The following POLR2B variants were observed in gnomAD, a reference collection of about 807,000 sequenced individuals.
POLR2B encodes the protein DNA-directed RNA polymerase II subunit RPB2.
POLR2B carries 57 observed loss-of-function variants against 144.6 expected under a neutral mutation model. The observed-to-expected ratio is 0.39, with a 90% CI of 0.32 to 0.49. The LOEUF is 0.49. Ranked by LOEUF, POLR2B falls within the 20% of genes least tolerant of loss-of-function variation. The probability of loss-of-function intolerance (pLI) is 0.83; values close to 1 mark genes in which losing one functional copy is unlikely to be tolerated. For missense variants in POLR2B, 595 were observed against 1,467.4 expected (o/e 0.41, Z 9.71); for synonymous variants, 442 against 469.8 (o/e 0.94, Z 0.77).
At position 57,009,148 on chromosome 4, in the gene POLR2B, G is replaced by A. The variant is rs148665652; in HGVS notation, c.1405-1213G>A. On this transcript the variant is annotated intron_variant, in intron 10 of 24. Transcript: ENST00000314595. The stretch of plus-strand genomic sequence containing the variant: ...TGGAAATATTTAGGAAGTAAGTTTC[G>A]TAAGACTTTGTGATTGATTAGTAGA... Among the ~76,000 whole-genome samples, 105 of 152,306 alleles carry A rather than the reference G, an allele frequency of 6.9e-4. No individual in the cohort carries two copies. In the East Asian group the frequency reaches 0.011, roughly 17 times the overall value.
chr4:57,018,849 T>C (rs1436961802), intron 16 of POLR2B, among the ~76,000 whole-genome samples: 2 of 152,094 alleles, frequency 1.3e-5, no homozygotes, highest in Non-Finnish European at 2.9e-5. Flanking sequence ...ATTCCAGGTT[T>C]GTAGGAGATT....
chr4:56,996,260 G>GTATATA lies in POLR2B; in HGVS notation c.735+852_735+853insATATAT, dbSNP rs747288554. On this transcript the variant is annotated intron_variant, in intron 6 of 24. Coordinates refer to ENST00000314595, the MANE Select transcript of POLR2B (RefSeq NM_000938.3). ...TGTGTATGTATATGTGTGTGTGTGT[G>GTATATA]TGTATATATATATATATATTTTTTT... Among the ~76,000 whole-genome samples, 108 of 71,894 alleles carry GTATATA rather than the reference G, an allele frequency of 1.5e-3. 5 individuals carry two copies. Among genetic ancestry groups the GTATATA allele is most frequent in the African/African-American group, 3.8e-3 (59 of 15,536 alleles). The allele number at this position is 71,894 out of a possible 152,430, so 47.2% of individuals were successfully genotyped here.
intron 6 of POLR2B, among the ~76,000 whole-genome samples, chr4:56,998,693 A>G (rs1267892167): frequency 6.6e-6 from 1 of 152,244 alleles, no homozygotes; most frequent in Non-Finnish European, 1.5e-5. Flanking sequence ...TTCTGGGATA[A>G]GATCCATGAT....
At chr4:57,006,728 C>T (rs1723030593) in intron 9 of POLR2B, 88 bp from the exon 10 acceptor site, 2 of 1,089,934 alleles carry the variant, frequency 1.8e-6, no homozygotes, top group Admixed American at 2.2e-5. Flanking sequence ...GCTCACCTTC[C>T]CCACGCTTTT....
intron 6 of POLR2B, 103 bp downstream of exon 6, chr4:56,995,512 T>G: frequency 2.7e-6 from 2 of 747,622 alleles, no homozygotes; most frequent in East Asian, 5.1e-5. Context: ...TGGAGCATAT[T>G]GTTGTTATAT....
At position 57,020,790 on chromosome 4, in the gene POLR2B, C is replaced by T. The variant is rs1723517286; in HGVS notation, c.2324-109C>T. On this transcript the variant is annotated intron_variant, in intron 16 of 24. Coordinates refer to ENST00000314595, the MANE Select transcript of POLR2B (RefSeq NM_000938.3). ...CTTTGGCAGTTACCATGATAACAAA[C>T]ACCCAAGCATTTATGGCAAATATGA... 4 of 749,206 alleles carry T rather than the reference C, an allele frequency of 5.3e-6. No homozygotes were observed. In the African/African-American group the frequency reaches 6.9e-5, roughly 13 times the overall value. The allele number at this position is 749,206 out of a possible 1,614,324, so 46.4% of individuals were successfully genotyped here.
At chr4:57,027,300 C>T (rs919421191) in intron 23 of POLR2B, among the ~76,000 whole-genome samples, 13 of 152,060 alleles carry the variant, frequency 8.5e-5, no homozygotes, top group African/African-American at 2.4e-4. Context: ...AGAGCCACCA[C>T]GCCCAGCCCA....
chr4:56,980,396 C>G (rs554580557), intron 1 of POLR2B, among the ~76,000 whole-genome samples: 4 of 152,212 alleles, frequency 2.6e-5, no homozygotes, highest in Non-Finnish European at 5.9e-5. Context: ...GTAATATATT[C>G]TCATAGCTCA....
intron 1 of POLR2B, among the ~76,000 whole-genome samples, chr4:56,979,276 C>A (rs1722077301): frequency 6.6e-6 from 1 of 152,128 alleles, no homozygotes; most frequent in Admixed American, 6.5e-5. Context: ...GGTGAAGTAG[C>A]GTGCAGAATC....
chr4:56,989,430 T>G (rs1234037595), intron 2 of POLR2B, among the ~76,000 whole-genome samples: 4 of 152,234 alleles, frequency 2.6e-5, no homozygotes, highest in African/African-American at 9.6e-5. Flanking sequence ...CTTACACATG[T>G]GTGATTGTCT....
intron 1 of POLR2B, among the ~76,000 whole-genome samples, chr4:56,983,139 A>G (rs964826486): frequency 6.6e-6 from 1 of 152,100 alleles, no homozygotes; most frequent in Non-Finnish European, 1.5e-5. Context: ...TGCTAAACTC[A>G]TATCTCTTGG....
chr4:56,992,126 A>G (rs1278680493), intron 3 of POLR2B, among the ~76,000 whole-genome samples: 1 of 152,176 alleles, frequency 6.6e-6, no homozygotes, highest in African/African-American at 2.4e-5. Flanking sequence ...TACTATGAAG[A>G]ACTCTCTTAG....
At chr4:56,992,186 G>T (rs1190297051) in intron 3 of POLR2B, among the ~76,000 whole-genome samples, 3 of 151,998 alleles carry the variant, frequency 2.0e-5, no homozygotes, top group Non-Finnish European at 2.9e-5. Context: ...TGGTGTGGCC[G>T]GTGCGATGGC....
At chr4:56,990,261 T>C (rs1722473575) in intron 2 of POLR2B, among the ~76,000 whole-genome samples, 1 of 152,162 alleles carries the variant, frequency 6.6e-6, no homozygotes, top group African/African-American at 2.4e-5. Context: ...AGGGTTTCGC[T>C]GTCTCCTAGG....
At chr4:57,016,417 A>G (rs1010718183) in intron 14 of POLR2B, among the ~76,000 whole-genome samples, 3 of 151,860 alleles carry the variant, frequency 2.0e-5, no homozygotes, top group African/African-American at 4.8e-5. Context: ...GTGTGGTGGA[A>G]TGCACCTGCA....
chr4:57,030,841 G>T, intron 24 of POLR2B, 58 bp from the exon 25 acceptor site: 1 of 939,226 alleles, frequency 1.1e-6, no homozygotes, highest in South Asian at 1.3e-5. Flanking sequence ...TTCTGGGGTA[G>T]AGAAGTGGGG....
intron 17 of POLR2B, among the ~76,000 whole-genome samples, chr4:57,021,529 A>G (rs1331189708): frequency 7.5e-6 from 1 of 134,012 alleles, no homozygotes; most frequent in Non-Finnish European, 1.5e-5. Flanking sequence ...TTCTGTTGCC[A>G]AGACTGGAAT....
At chr4:56,987,401 ACTCTTCTC>A (rs1722365907) in intron 2 of POLR2B, among the ~76,000 whole-genome samples, 1 of 151,530 alleles carries the variant, frequency 6.6e-6, no homozygotes, top group South Asian at 2.1e-4. Flanking sequence ...AAGGCTTATA[ACTCTTCTC>A]TCTCTTCTCT....
At chr4:56,984,134 G>A (rs1722244405) in intron 1 of POLR2B, among the ~76,000 whole-genome samples, 1 of 151,958 alleles carries the variant, frequency 6.6e-6, no homozygotes, top group South Asian at 2.1e-4. Context: ...TAAAGTGTTG[G>A]GATTATAGGT....
Sources: gnomAD v4.1 joint callset for allele counts (sites outside exome capture counted in the v4.1 genomes callset) on GRCh38, gnomAD v4.1.1 for gene constraint, MANE v1.5 for transcripts, NCBI Gene and HGNC (gene_info 2026-07-23, HGNC 2026-07-21) for gene names.